CENPP: variants seen among roughly 807,000 people sequenced by gnomAD.
The protein encoded by CENPP is centromere protein P.
CENPP carries 24 observed loss-of-function variants against 35.6 expected under a neutral mutation model. That is an observed-to-expected ratio of 0.67 (90% confidence interval 0.49 to 0.95). The LOEUF is 0.95. Among genes scored for constraint, CENPP ranks in the 40% least tolerant of loss-of-function variants. The pLI, the probability that CENPP is intolerant of heterozygous loss-of-function variation, is 0.00. For missense variants in CENPP, 332 were observed against 345.3 expected, an observed-to-expected ratio of 0.96 and a Z score of 0.31; for synonymous variants, 120 against 125.5, an observed-to-expected ratio of 0.96 and a Z score of 0.29.
chr9:92,482,528 T>C (rs1374967781), intron 5 of CENPP: 1 of 152,198 alleles, frequency 6.6e-6, no homozygotes, highest in African/African-American at 2.4e-5. Flanking sequence ...TTAAAACTTG[T>C]TACTGCTCAT....
chr9:92,403,391 G>C (rs1427594284), intron 5 of CENPP: 1 of 1,610,866 alleles, frequency 6.2e-7, no homozygotes, highest in African/African-American at 1.3e-5. Flanking sequence ...GAGAAGTGTA[G>C]ACTGCAGAGT....
intron 5 of CENPP, 104 bp from the exon 6 acceptor site, chr9:92,611,210 G>T: frequency 1.1e-6 from 1 of 900,334 alleles, no homozygotes; most frequent in Non-Finnish European, 1.8e-6. Flanking sequence ...CAAACACTCG[G>T]ACCCTGATTT....
chr9:92,457,375 G>A, intron 5 of CENPP: 1 of 1,613,770 alleles, frequency 6.2e-7, no homozygotes, highest in South Asian at 1.1e-5. Flanking sequence ...ATTTCACCGG[G>A]TTGTTGAATA....
At chr9:92,589,070 G>A (rs1850609349) in intron 5 of CENPP, among the ~76,000 whole-genome samples, 1 of 152,000 alleles carries the variant, frequency 6.6e-6, no homozygotes, top group Non-Finnish European at 1.5e-5. Context: ...GCCCACACTT[G>A]TAATCCCAAC....
intron 5 of CENPP, among the ~76,000 whole-genome samples, chr9:92,484,698 G>A (rs1846015351): frequency 6.6e-6 from 1 of 152,152 alleles, no homozygotes; most frequent in Non-Finnish European, 1.5e-5. Flanking sequence ...TGGGACTTGT[G>A]TTTTTCTCTT....
chr9:92,427,745 G>A (rs1223746857), intron 5 of CENPP, among the ~76,000 whole-genome samples: 1 of 152,220 alleles, frequency 6.6e-6, no homozygotes, highest in African/African-American at 2.4e-5. Flanking sequence ...CTCCCAAAGT[G>A]CTGGGATTAC....
intron 5 of CENPP, among the ~76,000 whole-genome samples, chr9:92,401,681 A>G (rs140812367): frequency 2.6e-5 from 4 of 152,196 alleles, no homozygotes; most frequent in Non-Finnish European, 4.4e-5. Context: ...AATTACCTAT[A>G]TCCCTCCATT....
chr9:92,450,316 A>G (rs1033967481), intron 5 of CENPP, among the ~76,000 whole-genome samples: 4 of 143,720 alleles, frequency 2.8e-5, no homozygotes, highest in Non-Finnish European at 3.0e-5. Context: ...TCATTGTTCA[A>G]TTCCCACCTA....
At chr9:92,573,703 G>A (rs571261250) in intron 5 of CENPP, among the ~76,000 whole-genome samples, 2 of 152,064 alleles carry the variant, frequency 1.3e-5, no homozygotes, top group African/African-American at 4.8e-5. Flanking sequence ...GAGAGGTGGA[G>A]TCTACAGAGG....
chr9:92,423,567 AT>A (rs1217726574), intron 5 of CENPP, among the ~76,000 whole-genome samples: 1 of 152,082 alleles, frequency 6.6e-6, no homozygotes, highest in African/African-American at 2.4e-5. Context: ...ATTTTATAAA[AT>A]TTTTTTGCTA....
At chr9:92,586,177 C>G (rs1389222157) in intron 5 of CENPP, among the ~76,000 whole-genome samples, 1 of 152,176 alleles carries the variant, frequency 6.6e-6, no homozygotes, top group Non-Finnish European at 1.5e-5. Flanking sequence ...TCCCAAGTAG[C>G]TGGGACTACA....
intron 5 of CENPP, among the ~76,000 whole-genome samples, chr9:92,422,807 A>C (rs1024675952): frequency 6.6e-6 from 1 of 152,178 alleles, no homozygotes; most frequent in Non-Finnish European, 1.5e-5. Context: ...ATTTTATCCA[A>C]ATTTTTCATT....
chr9:92,473,241 GA>G (rs1316410995), intron 5 of CENPP, among the ~76,000 whole-genome samples: 1 of 152,126 alleles, frequency 6.6e-6, no homozygotes, highest in African/African-American at 2.4e-5. Context: ...CTTCATGTTG[GA>G]AGCATATGAC....
chr9:92,568,353 G>A (rs1010922264), intron 5 of CENPP, among the ~76,000 whole-genome samples: 9 of 152,138 alleles, frequency 5.9e-5, no homozygotes, highest in Non-Finnish European at 1.2e-4. Flanking sequence ...TTCTGTTGTT[G>A]CGATAGTTTA....
At chr9:92,369,406 G>C (rs904456755) in intron 4 of CENPP, among the ~76,000 whole-genome samples, 1 of 152,148 alleles carries the variant, frequency 6.6e-6, no homozygotes, top group East Asian at 1.9e-4. Flanking sequence ...TACAGCAGGT[G>C]GATAGTGGAG....
At chr9:92,526,287 T>C (rs1185616433) in intron 5 of CENPP, among the ~76,000 whole-genome samples, 2 of 152,306 alleles carry the variant, frequency 1.3e-5, no homozygotes, top group South Asian at 2.1e-4. Context: ...AAAATTACGC[T>C]ATAAAGAAAG....
At chr9:92,408,709 C>G (rs1309669948) in intron 5 of CENPP, among the ~76,000 whole-genome samples, 2 of 152,184 alleles carry the variant, frequency 1.3e-5, no homozygotes, top group African/African-American at 4.8e-5. Flanking sequence ...CTTCTACCCA[C>G]TAGATGCTAG....
intron 5 of CENPP, among the ~76,000 whole-genome samples, chr9:92,394,408 A>ATTTT (rs34978081): frequency 7.6e-6 from 1 of 130,954 alleles, no homozygotes; most frequent in Non-Finnish European, 1.6e-5. Flanking sequence ...ACACATGGCT[A>ATTTT]TTTTTTTTTT....
intron 4 of CENPP, among the ~76,000 whole-genome samples, chr9:92,347,831 T>C (rs1445231789): frequency 6.6e-6 from 1 of 152,242 alleles, no homozygotes; most frequent in African/African-American, 2.4e-5. Context: ...TCATACACTT[T>C]TACATGTTCC....
Sources: allele counts gnomAD v4.1 joint callset (sites outside exome capture counted in the v4.1 genomes callset), GRCh38; gene constraint gnomAD v4.1.1; transcripts MANE v1.5; gene names NCBI Gene and HGNC (gene_info 2026-07-23, HGNC 2026-07-21).